USH2A: variants seen among roughly 807,000 people sequenced by gnomAD.
The protein encoded by USH2A is Usher syndrome 2A (autosomal recessive, mild).
A neutral mutation model predicts 538.9 loss-of-function variants in USH2A; 443 were observed. The ratio of observed to expected loss-of-function variants is 0.82; its 90% confidence interval spans 0.76 to 0.89. USH2A has a LOEUF of 0.89. Ranked by LOEUF, USH2A falls within the 40% of genes least tolerant of loss-of-function variation. The probability of loss-of-function intolerance (pLI) is 0.00; values close to 1 mark genes in which losing one functional copy is unlikely to be tolerated. For missense variants in USH2A, 6,633 were observed against 6,324.8 expected (o/e 1.05, Z -1.65); for synonymous variants, 2,413 against 2,273.5 (o/e 1.06, Z -1.75).
chr1:215,933,948 G>A (rs752043240), intron 38 of USH2A, among the ~76,000 whole-genome samples: 30 of 152,056 alleles, frequency 2.0e-4, no homozygotes, highest in Non-Finnish European at 3.5e-4. Flanking sequence ...TTCCCGCAAC[G>A]AGTTAAAACA....
At chr1:215,662,979 G>A (rs1657491426) in intron 64 of USH2A, among the ~76,000 whole-genome samples, 1 of 152,180 alleles carries the variant, frequency 6.6e-6, no homozygotes, top group African/African-American at 2.4e-5. Flanking sequence ...GTAGCTAATT[G>A]CATAAAAGTA....
chr1:216,322,670 C>T (rs2037641755), intron 8 of USH2A, among the ~76,000 whole-genome samples: 1 of 149,828 alleles, frequency 6.7e-6, no homozygotes, highest in Admixed American at 6.7e-5. Flanking sequence ...ATGCAGTTAA[C>T]ATATTTCAAT....
intron 11 of USH2A, among the ~76,000 whole-genome samples, chr1:216,271,961 AT>A: frequency 6.6e-6 from 1 of 152,244 alleles, no homozygotes; most frequent in Non-Finnish European, 1.5e-5. Context: ...GAATATTCTA[AT>A]GGGCTTTTCT....
intron 3 of USH2A, among the ~76,000 whole-genome samples, chr1:216,365,971 A>G (rs938116114): frequency 6.6e-6 from 1 of 152,222 alleles, no homozygotes; most frequent in African/African-American, 2.4e-5. Flanking sequence ...AGAATAGCCA[A>G]TGCTATCAAA....
At chr1:215,809,012 C>A (rs1662580942) in intron 49 of USH2A, among the ~76,000 whole-genome samples, 2 of 151,970 alleles carry the variant, frequency 1.3e-5, no homozygotes, top group South Asian at 4.1e-4. Flanking sequence ...TGAAAGGATC[C>A]TATAATATGG....
At chr1:215,763,011 C>T (rs1385106265) in intron 56 of USH2A, among the ~76,000 whole-genome samples, 1 of 152,154 alleles carries the variant, frequency 6.6e-6, no homozygotes, top group Admixed American at 6.5e-5. Flanking sequence ...ATTCAAAATT[C>T]CCAGCATTTA....
At chr1:216,382,372 A>G (rs900834199) in intron 3 of USH2A, among the ~76,000 whole-genome samples, 1 of 152,204 alleles carries the variant, frequency 6.6e-6, no homozygotes, top group Non-Finnish European at 1.5e-5. Flanking sequence ...GGTAAAGAAC[A>G]TGTGCAGTTG....
At position 216,247,083 on chromosome 1, in the gene USH2A, C is replaced by CT. The variant is rs2036065933; in HGVS notation, c.2310dup (p.Glu771ArgfsTer8). 6.2e-7 allele frequency: 1 copy of CT among 1,614,000 alleles called. No homozygotes were observed. Among genetic ancestry groups the CT allele is most frequent in the Non-Finnish European group, 8.5e-7 (1 of 1,179,938 alleles). ...GTGTCACACTGAAGTCCTTTGGCTT[C>CT]TTTTTTGCACTCACACTGCCCAGAG... On this transcript the variant is annotated frameshift_variant, in exon 13 of 72. Transcript: ENST00000307340. LOFTEE classifies it high-confidence loss of function.
intron 14 of USH2A, among the ~76,000 whole-genome samples, chr1:216,219,665 T>C (rs1572062075): frequency 6.6e-6 from 1 of 152,116 alleles, no homozygotes; most frequent in Admixed American, 6.6e-5. Flanking sequence ...AAATGGTTTT[T>C]GTAATATTAA....
chr1:216,058,286 A>C (rs965752833), intron 30 of USH2A, among the ~76,000 whole-genome samples: 1 of 148,978 alleles, frequency 6.7e-6, no homozygotes, highest in Non-Finnish European at 1.5e-5. Flanking sequence ...AAGTGAAATA[A>C]TGAATTAAAA....
chr1:215,875,024 A>G (rs1216526335), intron 43 of USH2A, among the ~76,000 whole-genome samples: 1 of 152,216 alleles, frequency 6.6e-6, no homozygotes, highest in Non-Finnish European at 1.5e-5. Context: ...ACAGACCACT[A>G]GCTGACCAGC....
chr1:216,385,723 C>G (rs1464766411), intron 3 of USH2A, among the ~76,000 whole-genome samples: 1 of 152,142 alleles, frequency 6.6e-6, no homozygotes, highest in Admixed American at 6.5e-5. Context: ...AGCTTTATTC[C>G]GGTTTCTATC....
intron 11 of USH2A, among the ~76,000 whole-genome samples, chr1:216,272,349 G>A (rs1013212922): frequency 6.6e-6 from 1 of 151,984 alleles, no homozygotes; most frequent in Non-Finnish European, 1.5e-5. Flanking sequence ...TCTGATGTTG[G>A]TAATTTGTGT....
Position 215,779,896 on chromosome 1 carries a change from C to T in USH2A, c.10886G>A (p.Gly3629Glu), listed in dbSNP as rs267598372. The T allele has an allele frequency of 2.5e-6, 4 of 1,614,070 alleles. No homozygotes were observed. The South Asian group carries it at 4.4e-5, about 18-fold the overall frequency. ...VIKEYQIRQV[G>E]KGLIHTDTTD... ...GGTGTCAGTGTGGATGAGACCTTTCCCAACCTGCCTGATCTGGTACTCTTT... is the reference window on the plus strand; with the variant it reads ...GGTGTCAGTGTGGATGAGACCTTTCTCAACCTGCCTGATCTGGTACTCTTT... The change falls in exon 55 of 72, where the codon GGG becomes GAG. Residue 3629 changes from glycine to glutamate, a missense_variant. By Grantham distance (98) the Gly-to-Glu change is moderately conservative. Transcript: ENST00000307340.
At chr1:216,175,758 A>G (rs897096273) in intron 20 of USH2A, among the ~76,000 whole-genome samples, 13 of 152,194 alleles carry the variant, frequency 8.5e-5, no homozygotes, top group Admixed American at 3.9e-4. Context: ...TTAGCTAAAT[A>G]ATAGATCTTA....
At chr1:216,383,039 A>C (rs923403586) in intron 3 of USH2A, among the ~76,000 whole-genome samples, 4 of 152,182 alleles carry the variant, frequency 2.6e-5, no homozygotes, top group African/African-American at 9.7e-5. Flanking sequence ...TTAACACCAA[A>C]CTATAGGCTG....
intron 35 of USH2A, among the ~76,000 whole-genome samples, chr1:215,991,405 C>G (rs985718981): frequency 8.6e-5 from 13 of 151,910 alleles, no homozygotes; most frequent in African/African-American, 3.1e-4. Flanking sequence ...TTATCCCTCT[C>G]TAGACAATCA....
intron 33 of USH2A, 110 bp downstream of exon 33, chr1:216,000,293 T>A: frequency 1.4e-6 from 2 of 1,425,876 alleles, no homozygotes; most frequent in East Asian, 2.3e-5. Flanking sequence ...ATCACTTCTA[T>A]GCATTTAATC....
At chr1:216,148,323 C>G (rs1192796745) in intron 21 of USH2A, among the ~76,000 whole-genome samples, 6 of 151,802 alleles carry the variant, frequency 4.0e-5, no homozygotes, top group African/African-American at 9.7e-5. Flanking sequence ...GACACTTTAA[C>G]TAAATTATCT....
Sources: gnomAD v4.1 joint callset for allele counts (sites outside exome capture counted in the v4.1 genomes callset) on GRCh38, gnomAD v4.1.1 for gene constraint, MANE v1.5 for transcripts, NCBI Gene and HGNC (gene_info 2026-07-23, HGNC 2026-07-21) for gene names.